The following ROBO1 variants were observed in gnomAD, a reference collection of about 807,000 sequenced individuals.
ROBO1 encodes the protein roundabout guidance receptor 1.
In ROBO1, 149 loss-of-function variants were observed where a neutral mutation model predicts 195.9. The ratio of observed to expected loss-of-function variants is 0.76; its 90% CI spans 0.67 to 0.87. The LOEUF (loss-of-function observed/expected upper bound fraction) is 0.87, where lower values mean the gene tolerates loss of function less well. ROBO1 is among the 40% of genes least tolerant of loss of function. ROBO1 has a pLI of 0.00. For synonymous variants in ROBO1, 816 were observed against 733.2 expected, an observed-to-expected ratio of 1.11 and a Z score of -1.82; for missense variants, 1,933 against 2,068.3, an observed-to-expected ratio of 0.93 and a Z score of 1.27.
chr3:78,848,783 A>C (rs1335241828), intron 4 of ROBO1, among the ~76,000 whole-genome samples: 1 of 152,190 alleles, frequency 6.6e-6, no homozygotes, highest in Admixed American at 6.5e-5. Context: ...TCCAAGTTTA[A>C]AGTAGCACAT....
intron 2 of ROBO1, among the ~76,000 whole-genome samples, chr3:79,229,616 T>C (rs1459894928): frequency 2.0e-5 from 3 of 152,092 alleles, no homozygotes; most frequent in African/African-American, 7.2e-5. Context: ...TTATTATTTA[T>C]TTCTTTCTTT....
intron 19 of ROBO1, among the ~76,000 whole-genome samples, chr3:78,648,594 G>A (rs1706448092): frequency 6.6e-6 from 1 of 151,330 alleles, no homozygotes; most frequent in Non-Finnish European, 1.5e-5. Flanking sequence ...GATAACGGCA[G>A]AGCAATTTCC....
At chr3:79,760,470 T>C (rs1315070997) in intron 1 of ROBO1, among the ~76,000 whole-genome samples, 1 of 110,300 alleles carries the variant, frequency 9.1e-6, no homozygotes, top group Non-Finnish European at 2.0e-5. Context: ...TAAAACAGCC[T>C]AGGAAAATAT....
rs331171 is a variant in ROBO1 at position 78,947,128 on chromosome 3, A to G, written c.173-8201T>C. Among the ~76,000 whole-genome samples the G allele has an allele frequency of 3.3e-3, 499 of 152,286 alleles. 3 individuals are homozygous for G. The highest frequency in any genetic ancestry group is 5.7e-3 in the Admixed American group (87 of 15,298). ...AGACAGATCAACAAGACAGAAAGTT[A>G]ACAAGGATACCAAGGAACTGAACTC... On this transcript the variant is annotated intron_variant, in intron 3 of 30. Coordinates refer to ENST00000464233, the MANE Select transcript of ROBO1 (RefSeq NM_002941.4).
chr3:78,717,842 A>G lies in ROBO1; in HGVS notation c.699T>C (p.Ser233=), dbSNP rs181295394. The change falls in exon 6 of 31, where the codon AGT becomes AGC. Residue 233 remains serine (S), a synonymous_variant. Coordinates refer to ENST00000464233, the MANE Select transcript of ROBO1 (RefSeq NM_002941.4). The stretch of plus-strand genomic sequence containing the variant: ...CAACACAAACATATTTGCCAGCGTC[A>G]CTTTTACGGGTGTAAGTGATCATGA... The part of the protein sequence containing the change: ...GKLMITYTRK[S]DAGKYVCVGT... The G allele has an allele frequency of 9.2e-3, 14,840 of 1,613,722 alleles. 84 individuals are homozygous for G. The highest frequency in any genetic ancestry group is 0.011 in the Non-Finnish European group (13,394 of 1,179,708).
intron 2 of ROBO1, among the ~76,000 whole-genome samples, chr3:79,242,163 T>C (rs1207994118): frequency 6.6e-6 from 1 of 151,918 alleles, no homozygotes; most frequent in Non-Finnish European, 1.5e-5. Flanking sequence ...GAACAAGATG[T>C]GAAATTTCTG....
rs542316354 is a variant in ROBO1 at position 78,980,564 on chromosome 3, T to C, written c.173-41637A>G. 1.5e-3 allele frequency among the ~76,000 whole-genome samples: 236 copies of C among 152,326 alleles called. 1 individual carries two copies. The highest frequency in any genetic ancestry group is 5.4e-3 in the African/African-American group (226 of 41,574). On this transcript the variant is annotated intron_variant, in intron 3 of 30. Coordinates refer to ENST00000464233, the MANE Select transcript of ROBO1 (RefSeq NM_002941.4). Reference sequence around the variant, plus strand: ...ACTATCTTCATCACAGGTTTCCACATGTAAAATTGCTGTTTCTCTGAAGTC... The same window carrying C: ...ACTATCTTCATCACAGGTTTCCACACGTAAAATTGCTGTTTCTCTGAAGTC...
intron 14 of ROBO1, among the ~76,000 whole-genome samples, chr3:78,667,519 C>CT (rs143616168): frequency 0.037 from 5,568 of 151,794 alleles, 275 homozygotes; most frequent in African/African-American, 0.12. Flanking sequence ...TCTAACTATT[C>CT]TTTTTTTTGT....
chr3:79,012,535 G>C (rs527855267), intron 3 of ROBO1, among the ~76,000 whole-genome samples: 1 of 152,302 alleles, frequency 6.6e-6, no homozygotes, highest in East Asian at 1.9e-4. Context: ...CTAAGCCATG[G>C]ACAGCTGTGA....
chr3:79,650,550 T>C (rs1270651186), intron 1 of ROBO1, among the ~76,000 whole-genome samples: 1 of 151,752 alleles, frequency 6.6e-6, no homozygotes, highest in Non-Finnish European at 1.5e-5. Flanking sequence ...ATTTTTCCAG[T>C]ATAAATTTAT....
chr3:79,142,819 A>C (rs1197173380), intron 2 of ROBO1, among the ~76,000 whole-genome samples: 1 of 152,122 alleles, frequency 6.6e-6, no homozygotes, highest in Non-Finnish European at 1.5e-5. Context: ...CAGGGAATAA[A>C]AATCTGCTGA....
chr3:78,804,150 A>G (rs967106542), intron 4 of ROBO1, among the ~76,000 whole-genome samples: 2 of 152,196 alleles, frequency 1.3e-5, no homozygotes, highest in Non-Finnish European at 2.9e-5. Context: ...AATAGCATTA[A>G]TATATCTTTC....
intron 1 of ROBO1, among the ~76,000 whole-genome samples, chr3:79,624,629 A>G (rs1945112307): frequency 6.6e-6 from 1 of 152,202 alleles, no homozygotes; most frequent in Non-Finnish European, 1.5e-5. Context: ...AAAAGGGAAC[A>G]ATTCAACAAG....
chr3:79,527,357 T>C (rs941982237), intron 2 of ROBO1, among the ~76,000 whole-genome samples: 5 of 152,172 alleles, frequency 3.3e-5, no homozygotes, highest in African/African-American at 1.2e-4. Flanking sequence ...CCCCAAATAA[T>C]CTAGCACTAA....
chr3:78,604,568 G>A (rs1397309790), intron 29 of ROBO1, among the ~76,000 whole-genome samples: 5 of 152,180 alleles, frequency 3.3e-5, no homozygotes, highest in Admixed American at 3.3e-4. Flanking sequence ...GGATTGTGGT[G>A]ATATTATCAA....
chr3:78,864,767 T>A (rs537490510), intron 4 of ROBO1, among the ~76,000 whole-genome samples: 4 of 151,870 alleles, frequency 2.6e-5, no homozygotes, highest in Non-Finnish European at 5.9e-5. Flanking sequence ...AACTTTTTTT[T>A]AAGTCACCTC....
intron 3 of ROBO1, among the ~76,000 whole-genome samples, chr3:79,009,549 A>T (rs2108200608): frequency 6.6e-6 from 1 of 152,344 alleles, no homozygotes; most frequent in Non-Finnish European, 1.5e-5. Flanking sequence ...TTAAAACAGT[A>T]AGAAAAGCAA....
intron 1 of ROBO1, among the ~76,000 whole-genome samples, chr3:79,739,234 C>T (rs985271575): frequency 7.9e-5 from 12 of 152,104 alleles, no homozygotes; most frequent in African/African-American, 2.9e-4. Context: ...ATGAGATGAA[C>T]AAGAGAAATT....
At position 78,673,395 on chromosome 3, in the gene ROBO1, T is replaced by C. The variant is rs911686198; in HGVS notation, c.1343-3094A>G. On this transcript the variant is annotated intron_variant, in intron 10 of 30. Transcript: ENST00000464233. ...AACAGGTATAACAGGTGCTGTAATA[T>C]ATATTACAGCAGGGTTACACCACCT... Among the ~76,000 whole-genome samples the C allele has an allele frequency of 2.7e-5, 4 of 148,456 alleles. No individual in the cohort carries two copies. In the Admixed American group the frequency reaches 2.7e-4, roughly 10 times the overall value.
Sources: allele counts gnomAD v4.1 joint callset (sites outside exome capture counted in the v4.1 genomes callset), GRCh38; gene constraint gnomAD v4.1.1; transcripts MANE v1.5; gene names NCBI Gene and HGNC (gene_info 2026-07-23, HGNC 2026-07-21).